Variants in RSRC2 observed in about 807,000 individuals in gnomAD.
The protein encoded by RSRC2 is arginine/serine-rich coiled-coil protein 2.
A neutral mutation model predicts 61.3 loss-of-function variants in RSRC2; 5 were observed. That is an observed-to-expected ratio of 0.08 (90% confidence interval 0.04 to 0.17). The LOEUF (loss-of-function observed/expected upper bound fraction) is 0.17, where lower values mean the gene tolerates loss of function less well. RSRC2 is among the 10% of genes least tolerant of loss of function. The pLI, the probability that RSRC2 is intolerant of heterozygous loss-of-function variation, is 1.00. For missense variants in RSRC2, 381 were observed against 518.8 expected (o/e 0.73, Z 2.58); for synonymous variants, 202 against 166.5 (o/e 1.21, Z -1.64).
chr12:122,505,381 C>G lies in RSRC2; in HGVS notation c.*146G>C. ...CAACACTAACACCAGTATCACTGAT[C>G]TGATATTTACAAAAATTTGTATTTT... is the stretch of plus-strand genomic sequence containing the variant. On this transcript the variant is annotated 3_prime_UTR_variant, in exon 10 of 10. Coordinates refer to ENST00000331738, the MANE Select transcript of RSRC2 (RefSeq NM_023012.6). 1 of 675,336 alleles carries G rather than the reference C, an allele frequency of 1.5e-6. No individual in the cohort carries two copies. Among genetic ancestry groups the G allele is most frequent in the Non-Finnish European group, 2.4e-6 (1 of 411,530 alleles). The allele number at this position is 675,336 out of a possible 1,614,324, so 41.8% of individuals were successfully genotyped here.
chr12:122,510,688 A>ATCAC (rs201171558), intron 7 of RSRC2, among the ~76,000 whole-genome samples: 1,696 of 152,320 alleles, frequency 0.011, 33 homozygotes, highest in African/African-American at 0.039. Flanking sequence ...ACTGATGGGA[A>ATCAC]GTAGGAATCA....
intron 1 of RSRC2, among the ~76,000 whole-genome samples, chr12:122,525,348 C>A (rs867400043): frequency 6.6e-6 from 1 of 152,128 alleles, no homozygotes; most frequent in African/African-American, 2.4e-5. Context: ...CGCACTCCAG[C>A]CTGGGCGACA....
chr12:122,512,851 G>C (rs1958628668), intron 6 of RSRC2, among the ~76,000 whole-genome samples: 1 of 151,966 alleles, frequency 6.6e-6, no homozygotes, highest in South Asian at 2.1e-4. Context: ...ACATAGACTT[G>C]ACTTTGTCCT....
At chr12:122,523,778 G>C (rs1959610980) in intron 1 of RSRC2, 1 of 152,138 alleles carries the variant, frequency 6.6e-6, no homozygotes, top group African/African-American at 2.4e-5. Context: ...TGGGTGTATT[G>C]TACTTTAATA....
At chr12:122,521,986 C>G (rs1959264585) in intron 2 of RSRC2, among the ~76,000 whole-genome samples, 157 bp downstream of exon 2, 1 of 152,212 alleles carries the variant, frequency 6.6e-6, no homozygotes, top group South Asian at 2.1e-4. Context: ...GGTCCTGGCT[C>G]AGGTGATCTG....
chr12:122,520,140 C>T (rs1959176106), intron 3 of RSRC2: 1 of 211,588 alleles, frequency 4.7e-6, no homozygotes, highest in Non-Finnish European at 9.7e-6. Context: ...TTTCCACTCA[C>T]GATTAATGTT....
At chr12:122,515,960 G>A (rs1442047830) in intron 5 of RSRC2, among the ~76,000 whole-genome samples, 1 of 152,140 alleles carries the variant, frequency 6.6e-6, no homozygotes, top group African/African-American at 2.4e-5. Context: ...TCGCACTCCA[G>A]CCTGGGCGAC....
intron 5 of RSRC2, 46 bp from the exon 6 acceptor site, chr12:122,515,273 AC>A: frequency 6.3e-7 from 1 of 1,575,566 alleles, no homozygotes; most frequent in Middle Eastern, 1.7e-4. Flanking sequence ...CCAAGTCATA[AC>A]TATTTTGTTA....
At chr12:122,509,470 A>C (rs1446400173) in intron 7 of RSRC2, among the ~76,000 whole-genome samples, 1 of 151,812 alleles carries the variant, frequency 6.6e-6, no homozygotes, top group Non-Finnish European at 1.5e-5. Flanking sequence ...ACAAAAACAA[A>C]AACAAAAAAA....
At chr12:122,517,100 C>T (rs1052270411) in intron 5 of RSRC2, 127 bp downstream of exon 5, 3 of 1,370,348 alleles carry the variant, frequency 2.2e-6, no homozygotes, top group Non-Finnish European at 2.0e-6. Flanking sequence ...TAGGTAATGA[C>T]TAAAATAATT....
intron 9 of RSRC2, 32 bp from the exon 10 acceptor site, chr12:122,505,738 T>G (rs1200732229): frequency 6.4e-7 from 1 of 1,562,250 alleles, no homozygotes; most frequent in Non-Finnish European, 8.8e-7. Flanking sequence ...TTACAATGAA[T>G]TCAGATGGAG....
At chr12:122,513,249 TAAAATAAAAATA>T (rs201813921) in intron 6 of RSRC2, among the ~76,000 whole-genome samples, 3 of 130,694 alleles carry the variant, frequency 2.3e-5, no homozygotes, top group Non-Finnish European at 5.1e-5. Context: ...ATAAATAAAA[TAAAATAAAAATA>T]AAAAATAAAA....
intron 1 of RSRC2, chr12:122,523,861 T>C (rs1039527819): frequency 1.3e-5 from 2 of 152,124 alleles, no homozygotes; most frequent in Admixed American, 6.5e-5. Flanking sequence ...AAACCAATGC[T>C]AGACTTAGGG....
chr12:122,520,710 CTT>C (rs1432564302), intron 3 of RSRC2: 2 of 516,712 alleles, frequency 3.9e-6, no homozygotes, highest in Non-Finnish European at 6.7e-6. Context: ...CCTGCCCACT[CTT>C]GTTTTAGGAG....
chr12:122,516,552 C>CCTTT (rs1958941527), intron 5 of RSRC2, among the ~76,000 whole-genome samples: 1 of 152,188 alleles, frequency 6.6e-6, no homozygotes, highest in Admixed American at 6.5e-5. Context: ...GACACACTTA[C>CCTTT]CTTTCAACAT....
At chr12:122,507,504 CA>C (rs200977113) in intron 8 of RSRC2, among the ~76,000 whole-genome samples, 5,027 of 143,948 alleles carry the variant, frequency 0.035, 241 homozygotes, top group African/African-American at 0.11. Context: ...CAAATAATGT[CA>C]AAAAAAAAAA....
chr12:122,512,525 A>AC (rs955832280), intron 6 of RSRC2, among the ~76,000 whole-genome samples: 7 of 151,900 alleles, frequency 4.6e-5, no homozygotes, highest in Non-Finnish European at 1.0e-4. Context: ...GTCAGGAGTT[A>AC]GAGTCCAGCT....
At chr12:122,514,825 T>G in intron 6 of RSRC2, 1 of 743,466 alleles carries the variant, frequency 1.3e-6, no homozygotes, top group Non-Finnish European at 1.8e-6. Context: ...AAAAAAAAGT[T>G]TCAAATGCAA....
intron 6 of RSRC2, 186 bp downstream of exon 6, chr12:122,514,919 A>T (rs563818720): frequency 1.4e-6 from 1 of 727,828 alleles, no homozygotes; most frequent in African/African-American, 1.8e-5. Context: ...TAGACATCTC[A>T]ATCTTATAGT....
Sources: gnomAD v4.1 joint callset for allele counts (sites outside exome capture counted in the v4.1 genomes callset) on GRCh38, gnomAD v4.1.1 for gene constraint, MANE v1.5 for transcripts, NCBI Gene and HGNC (gene_info 2026-07-23, HGNC 2026-07-21) for gene names.